ATP6V0D2: variants seen among roughly 807,000 people sequenced by gnomAD.
The protein encoded by ATP6V0D2 is ATPase H+ transporting V0 subunit d2.
A neutral mutation model predicts 40.0 loss-of-function variants in ATP6V0D2; 40 were observed. The ratio of observed to expected loss-of-function variants is 1.00; its 90% CI spans 0.78 to 1.30. ATP6V0D2 has a LOEUF of 1.30. Ranked by LOEUF, ATP6V0D2 falls within the 50% of genes most tolerant of loss-of-function variation. The pLI is 0.00. For synonymous variants in ATP6V0D2, 179 were observed against 156.3 expected, an observed-to-expected ratio of 1.15 and a Z score of -1.08; for missense variants, 470 against 423.1, an observed-to-expected ratio of 1.11 and a Z score of -0.97.
At chr8:86,114,135 CA>C (rs1818564528) in intron 2 of ATP6V0D2, among the ~76,000 whole-genome samples, 1 of 110,118 alleles carries the variant, frequency 9.1e-6, no homozygotes, top group East Asian at 2.7e-4. Flanking sequence ...TTTCAGTTTT[CA>C]TTTAAAAAAA....
At chr8:86,113,247 G>C (rs1818548320) in intron 1 of ATP6V0D2, among the ~76,000 whole-genome samples, 2 of 152,076 alleles carry the variant, frequency 1.3e-5, no homozygotes, top group South Asian at 4.2e-4. Context: ...GGGAGCCTGA[G>C]GTGGACAGAT....
intron 5 of ATP6V0D2, among the ~76,000 whole-genome samples, chr8:86,144,838 T>C (rs1819025239): frequency 6.8e-6 from 1 of 147,998 alleles, no homozygotes; most frequent in Non-Finnish European, 1.5e-5. Flanking sequence ...AGCTAAGTGT[T>C]TTATTTTTTA....
At chr8:86,148,383 GAACT>G (rs997956832) in intron 5 of ATP6V0D2, among the ~76,000 whole-genome samples, 11 of 152,238 alleles carry the variant, frequency 7.2e-5, no homozygotes, top group African/African-American at 2.4e-4. Context: ...GGGTCAGATG[GAACT>G]AACTCTCACT....
intron 4 of ATP6V0D2, among the ~76,000 whole-genome samples, chr8:86,142,577 C>G (rs1160432636): frequency 6.6e-6 from 1 of 152,170 alleles, no homozygotes; most frequent in Non-Finnish European, 1.5e-5. Flanking sequence ...ACTTGGCACT[C>G]TTGTTAAAAT....
intron 1 of ATP6V0D2, among the ~76,000 whole-genome samples, chr8:86,111,823 C>T (rs1818530472): frequency 6.6e-6 from 1 of 152,166 alleles, no homozygotes; most frequent in East Asian, 1.9e-4. Context: ...AGGCTTCTTG[C>T]TCCTATCTTT....
intron 1 of ATP6V0D2, among the ~76,000 whole-genome samples, chr8:86,102,014 T>A (rs1424479264): frequency 2.0e-5 from 3 of 152,208 alleles, no homozygotes; most frequent in Non-Finnish European, 4.4e-5. Context: ...CCTCTGTTAG[T>A]TGAGGACACT....
Position 86,145,920 on chromosome 8 carries a change from A to G in ATP6V0D2, c.639+2966A>G, listed in dbSNP as rs925904673. Among the ~76,000 whole-genome samples, 4 of 152,226 alleles carry G rather than the reference A, an allele frequency of 2.6e-5. No homozygotes were observed. The East Asian group carries it at 5.8e-4, about 22-fold the overall frequency. Reference sequence around the variant, plus strand: ...GTGCTTTACATACATGAATTCACTTAGACTTCAAAACCACACAGAATAGGT... The same window carrying G: ...GTGCTTTACATACATGAATTCACTTGGACTTCAAAACCACACAGAATAGGT... On this transcript the variant is annotated intron_variant, in intron 5 of 7. Transcript: ENST00000285393.
intron 6 of ATP6V0D2, among the ~76,000 whole-genome samples, chr8:86,150,650 AG>A (rs1819132627): frequency 6.6e-6 from 1 of 152,138 alleles, no homozygotes; most frequent in African/African-American, 2.4e-5. Context: ...CAGCCCTTTC[AG>A]GTACCCACTA....
chr8:86,147,309 C>T (rs1264334732), intron 5 of ATP6V0D2, among the ~76,000 whole-genome samples: 3 of 151,996 alleles, frequency 2.0e-5, no homozygotes, highest in Admixed American at 6.6e-5. Context: ...GATGTGCAAC[C>T]GATAGTGATT....
At chr8:86,127,924 G>A (rs1427182787) in intron 2 of ATP6V0D2, among the ~76,000 whole-genome samples, 1 of 152,144 alleles carries the variant, frequency 6.6e-6, no homozygotes, top group Non-Finnish European at 1.5e-5. Context: ...ATAAAAGGAT[G>A]TGGCTTTCTG....
intron 2 of ATP6V0D2, among the ~76,000 whole-genome samples, chr8:86,117,113 C>G (rs1818600283): frequency 6.6e-6 from 1 of 152,016 alleles, no homozygotes; most frequent in Non-Finnish European, 1.5e-5. Context: ...ATATATGTTG[C>G]AAAACTATTT....
At chr8:86,131,185 ATATT>A (rs1432139781) in intron 2 of ATP6V0D2, among the ~76,000 whole-genome samples, 13 of 151,774 alleles carry the variant, frequency 8.6e-5, no homozygotes, top group African/African-American at 2.9e-4. Flanking sequence ...TGTCAATTTT[ATATT>A]TATTTATTTA....
rs1328908487 is a variant in ATP6V0D2, at chr8:86,151,484, G to GA, written c.837dup (p.Ala280SerfsTer18). 4 of 1,604,736 alleles carry GA rather than the reference G, an allele frequency of 2.5e-6. No homozygotes were observed. In the Admixed American group the frequency reaches 6.8e-5, roughly 27 times the overall value. ...TTTTAAGGTATACAAACCTTTATTTGAAGCTGTAGGTGGCAGTGGGGGAAA... is the reference window on the plus strand; with the variant it reads ...TTTTAAGGTATACAAACCTTTATTTGAAAGCTGTAGGTGGCAGTGGGGGAAA... On this transcript the variant is annotated frameshift_variant, in exon 7 of 8. Coordinates refer to ENST00000285393, the MANE Select transcript of ATP6V0D2 (RefSeq NM_152565.1). LOFTEE classifies it high-confidence loss of function.
chr8:86,115,316 C>G (rs1024729082), intron 2 of ATP6V0D2, among the ~76,000 whole-genome samples: 1 of 150,008 alleles, frequency 6.7e-6, no homozygotes, highest in African/African-American at 2.5e-5. Context: ...AGATGATACT[C>G]CCTCTATCCT....
intron 2 of ATP6V0D2, among the ~76,000 whole-genome samples, chr8:86,138,833 C>A (rs1227274043): frequency 6.6e-6 from 1 of 152,214 alleles, no homozygotes; most frequent in Non-Finnish European, 1.5e-5. Flanking sequence ...CACCCTCACC[C>A]CCCACCATCA....
At chr8:86,111,294 T>G (rs73257326) in intron 1 of ATP6V0D2, among the ~76,000 whole-genome samples, 3,253 of 151,914 alleles carry the variant, frequency 0.021, 113 homozygotes, top group African/African-American at 0.074. Context: ...TCAAGAGATC[T>G]TCCCACCTCT....
intron 2 of ATP6V0D2, among the ~76,000 whole-genome samples, chr8:86,120,783 T>C (rs2130248000): frequency 6.6e-6 from 1 of 152,292 alleles, no homozygotes; most frequent in African/African-American, 2.4e-5. Flanking sequence ...TTTTCCAAAG[T>C]TACAAAGGTA....
chr8:86,127,562 T>C (rs543219771), intron 2 of ATP6V0D2, among the ~76,000 whole-genome samples: 2 of 152,074 alleles, frequency 1.3e-5, no homozygotes, highest in African/African-American at 4.8e-5. Flanking sequence ...TAGCTGGAAC[T>C]ACAAGCAGTC....
intron 2 of ATP6V0D2, among the ~76,000 whole-genome samples, chr8:86,127,205 C>A (rs542707960): frequency 6.6e-6 from 1 of 152,250 alleles, no homozygotes; most frequent in South Asian, 2.1e-4. Flanking sequence ...TAGGAAATCA[C>A]GCGATATGAC....
Sources: gnomAD v4.1 joint callset for allele counts (sites outside exome capture counted in the v4.1 genomes callset) on GRCh38, gnomAD v4.1.1 for gene constraint, MANE v1.5 for transcripts, NCBI Gene and HGNC (gene_info 2026-07-23, HGNC 2026-07-21) for gene names.